VPS8: variants seen among roughly 807,000 people sequenced by gnomAD.
VPS8 encodes VPS8 subunit of CORVET complex, also known as vacuolar protein sorting-associated protein 8 homolog.
VPS8 carries 129 observed loss-of-function variants against 216.4 expected under a neutral mutation model. The ratio of observed to expected loss-of-function variants is 0.60; its 90% CI spans 0.52 to 0.69. The LOEUF is 0.69. VPS8 is among the 30% of genes least tolerant of loss of function. The pLI is 0.00. For synonymous variants in VPS8, 571 were observed against 565.4 expected, an observed-to-expected ratio of 1.01 and a Z score of -0.14; for missense variants, 1,531 against 1,683.5, an observed-to-expected ratio of 0.91 and a Z score of 1.59.
At chr3:184,936,165 T>A (rs1383247711) in intron 34 of VPS8, 81 bp from the exon 35 acceptor site, 1 of 1,171,350 alleles carries the variant, frequency 8.5e-7, no homozygotes, top group Admixed American at 2.1e-5. Context: ...TGTATTGAGG[T>A]AGGTAATCGT....
intron 36 of VPS8, among the ~76,000 whole-genome samples, chr3:184,949,535 G>A (rs780303670): frequency 6.6e-6 from 1 of 151,982 alleles, no homozygotes; most frequent in Non-Finnish European, 1.5e-5. Flanking sequence ...TTAGCTATGT[G>A]GATCGTGGCG....
At chr3:184,843,208 C>G in intron 7 of VPS8, 32 bp from the exon 8 acceptor site, 1 of 1,412,270 alleles carries the variant, frequency 7.1e-7, no homozygotes, top group East Asian at 2.5e-5. Context: ...TTTTCTTTAT[C>G]TTTCTTGATC....
intron 36 of VPS8, among the ~76,000 whole-genome samples, chr3:184,950,060 C>G (rs190066183): frequency 3.3e-5 from 5 of 151,596 alleles, no homozygotes; most frequent in South Asian, 2.1e-4. Context: ...CAGGTACGCA[C>G]CACCACGCCC....
At chr3:184,874,587 T>C (rs913171346) in intron 21 of VPS8, among the ~76,000 whole-genome samples, 2 of 152,264 alleles carry the variant, frequency 1.3e-5, no homozygotes, top group African/African-American at 4.8e-5. Flanking sequence ...ATTACGTGAG[T>C]ACTGGATTGG....
intron 21 of VPS8, among the ~76,000 whole-genome samples, chr3:184,873,011 G>T (rs1728630069): frequency 6.6e-6 from 1 of 152,136 alleles, no homozygotes; most frequent in Admixed American, 6.5e-5. Flanking sequence ...AGAATGATAT[G>T]GTCCAGACTG....
intron 7 of VPS8, among the ~76,000 whole-genome samples, chr3:184,841,726 G>T (rs1198495118): frequency 6.6e-6 from 1 of 152,078 alleles, no homozygotes; most frequent in Non-Finnish European, 1.5e-5. Flanking sequence ...TAGATAAATA[G>T]AATTTTGGGA....
intron 42 of VPS8, among the ~76,000 whole-genome samples, chr3:184,991,671 A>G (rs1751916010): frequency 6.6e-6 from 1 of 152,188 alleles, no homozygotes; most frequent in Admixed American, 6.5e-5. Context: ...CTAATAAGAT[A>G]TTGTACCATC....
chr3:185,011,430 A>C (rs1378517283), intron 45 of VPS8, among the ~76,000 whole-genome samples: 1 of 152,224 alleles, frequency 6.6e-6, no homozygotes, highest in African/African-American at 2.4e-5. Flanking sequence ...TCAAAGTACA[A>C]GACTACCAAA....
chr3:184,845,333 T>C (rs1722917392), intron 8 of VPS8, among the ~76,000 whole-genome samples: 1 of 152,192 alleles, frequency 6.6e-6, no homozygotes, highest in African/African-American at 2.4e-5. Context: ...TACAGAATGT[T>C]TAGTTACTCT....
intron 37 of VPS8, among the ~76,000 whole-genome samples, chr3:184,958,401 G>A (rs1233129316): frequency 1.3e-5 from 2 of 152,186 alleles, no homozygotes; most frequent in African/African-American, 4.8e-5. Flanking sequence ...GGAAACAAAA[G>A]TTAATGTTTG....
rs1175765635 is a variant in VPS8 at position 184,824,620 on chromosome 3, A to T, written c.-13A>T. The T allele has an allele frequency of 2.5e-6, 4 of 1,612,796 alleles. No homozygotes were observed. In the Admixed American group the frequency reaches 6.7e-5, roughly 27 times the overall value. ...TTGCTTTGATGGACTGAATACTGTT[A>T]TTAGAAGTAAATATGGAAAATGAAC... On this transcript the variant is annotated 5_prime_UTR_variant, in exon 2 of 48. Coordinates refer to ENST00000625842, the MANE Select transcript of VPS8 (RefSeq NM_001009921.3).
At chr3:184,903,559 C>T (rs1408691200) in intron 25 of VPS8, among the ~76,000 whole-genome samples, 1 of 152,092 alleles carries the variant, frequency 6.6e-6, no homozygotes, top group Non-Finnish European at 1.5e-5. Context: ...TCAAGTGATC[C>T]TCCTTCCTCA....
chr3:184,969,601 T>C (rs540023325), intron 39 of VPS8, among the ~76,000 whole-genome samples: 2 of 151,556 alleles, frequency 1.3e-5, no homozygotes, highest in Admixed American at 6.6e-5. Context: ...AGCTAATCTT[T>C]GTATTTTTAG....
chr3:184,924,309 T>C (rs1739168805), intron 29 of VPS8, among the ~76,000 whole-genome samples: 1 of 152,128 alleles, frequency 6.6e-6, no homozygotes, highest in South Asian at 2.1e-4. Context: ...GCTTATTTAA[T>C]TGTACAAGAC....
intron 42 of VPS8, among the ~76,000 whole-genome samples, chr3:184,990,735 A>C (rs562704683): frequency 5.3e-5 from 8 of 152,154 alleles, no homozygotes; most frequent in African/African-American, 1.9e-4. Flanking sequence ...CGTTTCTCAT[A>C]CCCACCTCAC....
At chr3:184,957,748 T>C (rs1745852918) in intron 37 of VPS8, among the ~76,000 whole-genome samples, 1 of 152,224 alleles carries the variant, frequency 6.6e-6, no homozygotes, top group Non-Finnish European at 1.5e-5. Flanking sequence ...TTCAAAAGTA[T>C]CTTTCTCAAG....
intron 47 of VPS8, among the ~76,000 whole-genome samples, chr3:185,049,126 A>G (rs1250535094): frequency 1.3e-5 from 2 of 152,162 alleles, no homozygotes; most frequent in Non-Finnish European, 2.9e-5. Flanking sequence ...TCCACTGTCT[A>G]GAATTTAGAC....
At chr3:184,823,794 T>C (rs1718127656) in intron 1 of VPS8, among the ~76,000 whole-genome samples, 1 of 152,228 alleles carries the variant, frequency 6.6e-6, no homozygotes, top group Non-Finnish European at 1.5e-5. Flanking sequence ...ATGACAGTTT[T>C]GCAAGTAAAC....
chr3:184,824,403 C>T, intron 1 of VPS8, 142 bp from the exon 2 acceptor site: 1 of 506,224 alleles, frequency 2.0e-6, no homozygotes, highest in Non-Finnish European at 3.5e-6. Flanking sequence ...TACCCTGTAC[C>T]CCACTGTTAA....
Sources: gnomAD v4.1 joint callset for allele counts (sites outside exome capture counted in the v4.1 genomes callset) on GRCh38, gnomAD v4.1.1 for gene constraint, MANE v1.5 for transcripts, NCBI Gene and HGNC (gene_info 2026-07-23, HGNC 2026-07-21) for gene names.